The following ADAMTS19 variants were observed in gnomAD, a reference collection of about 807,000 sequenced individuals.
ADAMTS19 encodes the protein ADAM metallopeptidase with thrombospondin type 1 motif 19.
Under a neutral mutation model 153.3 loss-of-function variants are expected in ADAMTS19, and 93 were observed. That is an observed-to-expected ratio of 0.61 (90% confidence interval 0.51 to 0.72). The LOEUF is 0.72. ADAMTS19 is among the 30% of genes least tolerant of loss of function. The pLI, the probability that ADAMTS19 is intolerant of heterozygous loss-of-function variation, is 0.00. For synonymous variants in ADAMTS19, 600 were observed against 556.6 expected, an observed-to-expected ratio of 1.08 and a Z score of -1.10; for missense variants, 1,482 against 1,552.1, an observed-to-expected ratio of 0.95 and a Z score of 0.76.
intron 6 of ADAMTS19, among the ~76,000 whole-genome samples, chr5:129,541,041 G>A (rs527264749): frequency 1.5e-3 from 228 of 152,080 alleles, no homozygotes; most frequent in African/African-American, 5.2e-3. Context: ...TTGGTCTTCT[G>A]CAAAGAAGTT....
At chr5:129,489,336 A>G (rs1027471584) in intron 2 of ADAMTS19, among the ~76,000 whole-genome samples, 2 of 152,114 alleles carry the variant, frequency 1.3e-5, no homozygotes, top group African/African-American at 4.8e-5. Context: ...ATAAAGACCA[A>G]TGTGGTTATA....
intron 14 of ADAMTS19, among the ~76,000 whole-genome samples, chr5:129,654,765 T>G (rs1430331381): frequency 6.6e-6 from 1 of 152,132 alleles, no homozygotes; most frequent in Non-Finnish European, 1.5e-5. Flanking sequence ...ATTCAAGCAC[T>G]CTAGTTCTCC....
rs1205779129 is a variant in ADAMTS19, at chr5:129,586,641, A to C, written c.1373-9918A>C. Among the ~76,000 whole-genome samples, 4 of 152,216 alleles carry C rather than the reference A, an allele frequency of 2.6e-5. No individual in the cohort carries two copies. In the East Asian group the frequency reaches 7.7e-4, roughly 29 times the overall value. ...ATGTGCAGGATTTTGTATGGACATA[A>C]ATTTTCAGCTGCTTTAGGTAAATAC... On this transcript the variant is annotated intron_variant, in intron 7 of 22. Transcript: ENST00000274487.
chr5:129,517,976 G>A (rs1366563214), intron 3 of ADAMTS19, among the ~76,000 whole-genome samples: 1 of 151,868 alleles, frequency 6.6e-6, no homozygotes, highest in East Asian at 1.9e-4. Context: ...TGGGTTTGAG[G>A]TTACCATGAG....
intron 16 of ADAMTS19, among the ~76,000 whole-genome samples, chr5:129,671,555 C>A (rs989585540): frequency 6.6e-6 from 1 of 152,128 alleles, no homozygotes; most frequent in Non-Finnish European, 1.5e-5. Flanking sequence ...GAAAATAGAA[C>A]CTTGGCAAAC....
chr5:129,631,990 C>T (rs1288324586), intron 10 of ADAMTS19, among the ~76,000 whole-genome samples: 2 of 151,966 alleles, frequency 1.3e-5, no homozygotes, highest in Admixed American at 6.6e-5. Flanking sequence ...TAGCTATAAT[C>T]CTTTACCTCT....
At chr5:129,508,925 G>A (rs2126724907) in intron 2 of ADAMTS19, 152 bp from the exon 3 acceptor site, 1 of 524,480 alleles carries the variant, frequency 1.9e-6, no homozygotes, top group East Asian at 3.2e-5. Flanking sequence ...AAAATGGGAA[G>A]ATAGTTACCT....
intron 7 of ADAMTS19, among the ~76,000 whole-genome samples, chr5:129,582,609 G>A (rs1197229646): frequency 2.0e-5 from 3 of 151,932 alleles, no homozygotes; most frequent in African/African-American, 7.3e-5. Flanking sequence ...GTCTCACTCT[G>A]TTGCCCAGGC....
chr5:129,558,577 A>G (rs1190277608), intron 7 of ADAMTS19, among the ~76,000 whole-genome samples: 1 of 152,140 alleles, frequency 6.6e-6, no homozygotes, highest in Non-Finnish European at 1.5e-5. Flanking sequence ...CATTTCCCTC[A>G]AACTGATCTA....
chr5:129,645,110 C>A (rs1027674934), intron 11 of ADAMTS19, among the ~76,000 whole-genome samples: 6 of 152,068 alleles, frequency 3.9e-5, no homozygotes, highest in African/African-American at 1.4e-4. Flanking sequence ...GAGTATAGAA[C>A]TATAATTAGT....
chr5:129,560,756 G>A (rs1278389406), intron 7 of ADAMTS19, among the ~76,000 whole-genome samples: 2 of 152,118 alleles, frequency 1.3e-5, no homozygotes, highest in East Asian at 3.9e-4. Flanking sequence ...ACATCTTGCA[G>A]CAACATTTAG....
chr5:129,553,048 T>C (rs1159367641), intron 7 of ADAMTS19, among the ~76,000 whole-genome samples: 2 of 152,076 alleles, frequency 1.3e-5, no homozygotes, highest in Admixed American at 1.3e-4. Context: ...TCTTTTCCTG[T>C]CTGAATCTCC....
chr5:129,712,428 C>A (rs1023070166), intron 21 of ADAMTS19, among the ~76,000 whole-genome samples: 1 of 152,164 alleles, frequency 6.6e-6, no homozygotes, highest in African/African-American at 2.4e-5. Context: ...TCCCTTTCCT[C>A]AAGAAAGACT....
At chr5:129,690,747 A>T (rs902695831) in intron 18 of ADAMTS19, among the ~76,000 whole-genome samples, 2 of 152,080 alleles carry the variant, frequency 1.3e-5, no homozygotes, top group African/African-American at 4.8e-5. Context: ...ATTAAAGTAT[A>T]TTTACTTTTG....
chr5:129,691,658 G>A (rs895333955), intron 18 of ADAMTS19, among the ~76,000 whole-genome samples: 1 of 152,088 alleles, frequency 6.6e-6, no homozygotes, highest in Non-Finnish European at 1.5e-5. Flanking sequence ...TTTAAAAAGA[G>A]CTAAGCTTCC....
At chr5:129,614,666 G>C (rs1751418827) in intron 8 of ADAMTS19, among the ~76,000 whole-genome samples, 1 of 152,086 alleles carries the variant, frequency 6.6e-6, no homozygotes, top group South Asian at 2.1e-4. Context: ...ATTCAATCTA[G>C]TGTTGGAAGT....
chr5:129,634,505 G>C (rs1203374417), intron 10 of ADAMTS19, among the ~76,000 whole-genome samples: 1 of 152,078 alleles, frequency 6.6e-6, no homozygotes, highest in Non-Finnish European at 1.5e-5. Context: ...AAAGCTGGAG[G>C]CATGATGTTA....
chr5:129,722,785 T>A (rs1757058204), intron 21 of ADAMTS19, among the ~76,000 whole-genome samples: 1 of 152,218 alleles, frequency 6.6e-6, no homozygotes, highest in African/African-American at 2.4e-5. Flanking sequence ...GAAATTTCCA[T>A]GTTCACTTTT....
chr5:129,565,052 A>T (rs963107182), intron 7 of ADAMTS19, among the ~76,000 whole-genome samples: 1 of 152,214 alleles, frequency 6.6e-6, no homozygotes, highest in South Asian at 2.1e-4. Flanking sequence ...TTGTTGATGA[A>T]CATGTTTAAG....
Sources: allele counts gnomAD v4.1 joint callset (sites outside exome capture counted in the v4.1 genomes callset), GRCh38; gene constraint gnomAD v4.1.1; transcripts MANE v1.5; gene names NCBI Gene and HGNC (gene_info 2026-07-23, HGNC 2026-07-21).